The following R3HDM1 variants were observed in gnomAD, a reference collection of about 807,000 sequenced individuals.
R3HDM1 encodes R3H domain containing 1, also known as R3H domain-containing protein 1.
R3HDM1 carries 46 observed loss-of-function variants against 141.1 expected under a neutral mutation model. That is an observed-to-expected ratio of 0.33 (90% confidence interval 0.26 to 0.42). The LOEUF (loss-of-function observed/expected upper bound fraction) is 0.42. Ranked by LOEUF, R3HDM1 falls within the 10% of genes least tolerant of loss-of-function variation. The pLI is 1.00. For missense variants in R3HDM1, 1,184 were observed against 1,368.3 expected, an observed-to-expected ratio of 0.87 and a Z score of 2.12; for synonymous variants, 435 against 472.9, an observed-to-expected ratio of 0.92 and a Z score of 1.04.
intron 11 of R3HDM1, 31 bp downstream of exon 11, chr2:135,636,214 T>C (rs1221210683): frequency 1.3e-6 from 2 of 1,599,714 alleles, no homozygotes; most frequent in African/African-American, 2.7e-5. Context: ...GTCTTCATGT[T>C]AGAGTATATT....
At chr2:135,612,470 A>G (rs1469937288) in intron 3 of R3HDM1, among the ~76,000 whole-genome samples, 1 of 152,170 alleles carries the variant, frequency 6.6e-6, no homozygotes, top group Non-Finnish European at 1.5e-5. Flanking sequence ...TATAACTCAT[A>G]AGGATTGCTC....
intron 1 of R3HDM1, chr2:135,543,002 T>G (rs902821621): frequency 1.4e-6 from 1 of 717,772 alleles, no homozygotes; most frequent in Admixed American, 6.3e-5. Flanking sequence ...CCTCCCAAAG[T>G]GCTGGGATTA....
chr2:135,634,101 A>C (rs2063008890), intron 9 of R3HDM1, among the ~76,000 whole-genome samples: 1 of 152,176 alleles, frequency 6.6e-6, no homozygotes, highest in South Asian at 2.1e-4. Flanking sequence ...CCTTGAAGAA[A>C]ATACTCTTTT....
intron 2 of R3HDM1, among the ~76,000 whole-genome samples, chr2:135,603,057 C>T (rs2059746844): frequency 6.6e-6 from 1 of 152,210 alleles, no homozygotes; most frequent in African/African-American, 2.4e-5. Flanking sequence ...TCTTGGCTCA[C>T]TGCAACCTCC....
At chr2:135,665,937 T>A (rs946322399) in intron 19 of R3HDM1, among the ~76,000 whole-genome samples, 21 of 152,328 alleles carry the variant, frequency 1.4e-4, no homozygotes, top group African/African-American at 4.8e-4. Context: ...AACGATGATG[T>A]TGTTGCATAC....
intron 9 of R3HDM1, among the ~76,000 whole-genome samples, chr2:135,635,663 A>G (rs1194217810): frequency 6.6e-6 from 1 of 152,240 alleles, no homozygotes; most frequent in Admixed American, 6.5e-5. Context: ...GACTGACTCC[A>G]GAGCCAACAT....
At chr2:135,709,626 A>C (rs1008772948) in intron 22 of R3HDM1, 90 bp downstream of exon 22, 55 of 1,470,366 alleles carry the variant, frequency 3.7e-5, no homozygotes, top group Non-Finnish European at 5.0e-5. Flanking sequence ...AAAGCTTCTC[A>C]ATTTGTGATG....
At chr2:135,577,798 A>T (rs528534140) in intron 1 of R3HDM1, among the ~76,000 whole-genome samples, 17 of 148,218 alleles carry the variant, frequency 1.1e-4, no homozygotes, top group Non-Finnish European at 2.1e-4. Context: ...AGATCGCGCC[A>T]TTGCACTCCA....
intron 1 of R3HDM1, among the ~76,000 whole-genome samples, chr2:135,554,219 C>G (rs1213729503): frequency 6.6e-6 from 1 of 152,190 alleles, no homozygotes; most frequent in African/African-American, 2.4e-5. Context: ...ACTTTTCTGT[C>G]TCTATAGATT....
Position 135,586,526 on chromosome 2 carries a change from T to C in R3HDM1, c.-249-15974T>C, listed in dbSNP as rs567131332. 254 of 195,704 alleles carry C rather than the reference T, an allele frequency of 1.3e-3. 1 individual carries two copies. The highest frequency in any genetic ancestry group is 2.2e-3 in the Non-Finnish European group (241 of 107,622). The allele number at this position is 195,704 out of a possible 1,614,324, so 12.1% of individuals were successfully genotyped here. ...ATGAAGGTATGTGACTCAATTCTTT[T>C]GCTAAATTTGTATAGAATGTAATCT... On this transcript the variant is annotated intron_variant, in intron 1 of 26. Transcript: ENST00000683871.
intron 1 of R3HDM1, among the ~76,000 whole-genome samples, chr2:135,585,248 G>A (rs1707620493): frequency 6.6e-6 from 1 of 152,158 alleles, no homozygotes; most frequent in Non-Finnish European, 1.5e-5. Flanking sequence ...TTTTGGAAAG[G>A]TGTTAATATT....
At chr2:135,579,033 T>G (rs1045365148) in intron 1 of R3HDM1, among the ~76,000 whole-genome samples, 1 of 152,188 alleles carries the variant, frequency 6.6e-6, no homozygotes, top group Non-Finnish European at 1.5e-5. Flanking sequence ...AGCTCTGTCC[T>G]GAGAGAGCCA....
chr2:135,639,015 A>T lies in R3HDM1; in HGVS notation c.1112A>T (p.Asn371Ile). 1 of 1,614,162 alleles carries T rather than the reference A, an allele frequency of 6.2e-7. No homozygotes were observed. The highest frequency in any genetic ancestry group is 8.5e-7 in the Non-Finnish European group (1 of 1,180,032). ...SSTDSDSSLR[N>I]LKPAVTKASS... ...ACAGATTCAGACAGCTCTCTTCGAA[A>T]CCTGAAACCTGCTGTAACCAAAGCC... is the stretch of plus-strand genomic sequence containing the variant. Residue 371 changes from asparagine (N) to isoleucine (I), a missense_variant, in exon 14 of 27, where the codon AAC (asparagine) becomes ATC (isoleucine). This residue lies in a region of R3HDM1 where 240 missense variants were observed against 312.3 expected (regional missense o/e 0.77). Transcript: ENST00000683871.
intron 21 of R3HDM1, among the ~76,000 whole-genome samples, chr2:135,698,540 A>T (rs1423326909): frequency 6.6e-6 from 1 of 152,180 alleles, no homozygotes; most frequent in African/African-American, 2.4e-5. Flanking sequence ...TTTTGTTATT[A>T]TACTTAATTT....
At chr2:135,667,843 T>A in intron 19 of R3HDM1, 1 of 837,654 alleles carries the variant, frequency 1.2e-6, no homozygotes, top group Non-Finnish European at 1.4e-6. Flanking sequence ...CACTCTTGCT[T>A]TTGTCTGAAT....
chr2:135,615,950 G>A (rs1027837269), intron 3 of R3HDM1, among the ~76,000 whole-genome samples: 5 of 152,240 alleles, frequency 3.3e-5, no homozygotes, highest in Admixed American at 1.3e-4. Context: ...TAATAAAAAT[G>A]CCAACCTATC....
chr2:135,546,835 C>G (rs904054356), intron 1 of R3HDM1, among the ~76,000 whole-genome samples: 1 of 152,020 alleles, frequency 6.6e-6, no homozygotes, highest in Non-Finnish European at 1.5e-5. Flanking sequence ...CCATGCCTGG[C>G]TAATTTTTGT....
In R3HDM1 at chr2:135,621,553, T is replaced by C. The variant is rs768085494; in HGVS notation, c.363T>C (p.Asp121=). 10 of 1,602,546 alleles carry C rather than the reference T, an allele frequency of 6.2e-6. No individual in the cohort carries two copies. In the South Asian group the frequency reaches 9.1e-5, roughly 15 times the overall value. Residue 121 remains aspartate, a synonymous_variant, in exon 6 of 27, where the codon GAT becomes GAC. Transcript: ENST00000683871. ...AGAAAGAAGAGAAGCCCTCAAAAGA[T>C]GAAGCAGAAAAAGAAAAGGCCAGTG... is the stretch of plus-strand genomic sequence containing the variant. ...SFEKEEKPSK[D]EAEKEKASDK... is the part of the protein sequence containing the mutation.
chr2:135,550,291 A>T (rs1037492859), intron 1 of R3HDM1: 4 of 928,978 alleles, frequency 4.3e-6, no homozygotes. Flanking sequence ...TTTGTGATAT[A>T]TGGAAATTTC....
Sources: gnomAD v4.1 joint callset for allele counts (sites outside exome capture counted in the v4.1 genomes callset) on GRCh38, gnomAD v4.1.1 for gene constraint, gnomAD v4.1.1 regional missense constraint, MANE v1.5 for transcripts, NCBI Gene and HGNC (gene_info 2026-07-23, HGNC 2026-07-21) for gene names.